DIRAS2: variants seen among roughly 807,000 people sequenced by gnomAD.
DIRAS2 encodes the protein GTP-binding protein Di-Ras2.
DIRAS2 carries 5 observed loss-of-function variants against 13.9 expected under a neutral mutation model. The ratio of observed to expected loss-of-function variants is 0.36; its 90% CI spans 0.19 to 0.76. DIRAS2 has a LOEUF of 0.76. DIRAS2 is among the 30% of genes least tolerant of loss of function. The pLI is 0.53. For synonymous variants in DIRAS2, 111 were observed against 105.4 expected (o/e 1.05, Z -0.33); for missense variants, 191 against 263.0 (o/e 0.73, Z 1.89).
chr9:90,636,315 G>A (rs1825371097), intron 1 of DIRAS2, among the ~76,000 whole-genome samples: 2 of 152,070 alleles, frequency 1.3e-5, no homozygotes, highest in Non-Finnish European at 2.9e-5. Context: ...TGGGATTATA[G>A]GCGTGAGCTA....
chr9:90,614,306 A>G (rs983986489), intron 1 of DIRAS2, among the ~76,000 whole-genome samples: 21 of 134,916 alleles, frequency 1.6e-4, no homozygotes, highest in Admixed American at 3.0e-4. Context: ...GGTCATCATA[A>G]TGTGTGTGTG....
intron 1 of DIRAS2, among the ~76,000 whole-genome samples, chr9:90,618,917 G>A (rs1345282790): frequency 6.6e-6 from 1 of 152,170 alleles, no homozygotes; most frequent in Admixed American, 6.5e-5. Context: ...GCCGAGGCAG[G>A]CAGATCACAA....
intron 1 of DIRAS2, chr9:90,625,834 C>A (rs1825263350): frequency 6.6e-6 from 1 of 152,002 alleles, no homozygotes; most frequent in South Asian, 2.1e-4. Flanking sequence ...ATAAATTAGG[C>A]TTCATCAAAA....
chr9:90,617,821 A>C (rs1825183396), intron 1 of DIRAS2, among the ~76,000 whole-genome samples: 5 of 152,268 alleles, frequency 3.3e-5, no homozygotes, highest in Admixed American at 3.3e-4. Flanking sequence ...AAATAACTCA[A>C]TTTATAATAG....
At chr9:90,639,465 G>T (rs187811409) in intron 1 of DIRAS2, among the ~76,000 whole-genome samples, 1 of 152,138 alleles carries the variant, frequency 6.6e-6, no homozygotes, top group African/African-American at 2.4e-5. Flanking sequence ...TTTATAATGG[G>T]TTTGCTGCTG....
intron 1 of DIRAS2, among the ~76,000 whole-genome samples, chr9:90,621,475 T>C (rs543204326): frequency 6.6e-6 from 1 of 152,186 alleles, no homozygotes; most frequent in African/African-American, 2.4e-5. Flanking sequence ...CCAAGCCAAA[T>C]CACTCAACTC....
At position 90,612,113 on chromosome 9, in the gene DIRAS2, T is replaced by C. The variant is rs777557206; in HGVS notation, c.*1115A>G. Reference sequence around the variant, plus strand: ...ACGTATAATGGAACATGCAAGAGAATTTACTATTATTTAAATGCATTTTCC... The same window carrying C: ...ACGTATAATGGAACATGCAAGAGAACTTACTATTATTTAAATGCATTTTCC... On this transcript the variant is annotated 3_prime_UTR_variant, in exon 2 of 2. Transcript: ENST00000375765. The C allele has an allele frequency of 1.3e-5, 2 of 152,660 alleles. No homozygotes were observed. The highest frequency in any genetic ancestry group is 1.5e-5 in the Non-Finnish European group (1 of 68,038). 9.5% of individuals were successfully genotyped at this position (152,660 alleles called of 1,614,324 possible).
intron 1 of DIRAS2, among the ~76,000 whole-genome samples, chr9:90,619,595 G>A (rs1825201017): frequency 6.6e-6 from 1 of 152,128 alleles, no homozygotes; most frequent in Non-Finnish European, 1.5e-5. Context: ...TGCATTGCTG[G>A]CAAAAAATGT....
intron 1 of DIRAS2, among the ~76,000 whole-genome samples, chr9:90,632,134 C>T (rs1033592869): frequency 5.3e-5 from 8 of 152,192 alleles, no homozygotes; most frequent in African/African-American, 1.9e-4. Context: ...TTGCCTCAGG[C>T]TCTGAGCCAC....
At chr9:90,631,390 TAAG>T (rs1259642482) in intron 1 of DIRAS2, among the ~76,000 whole-genome samples, 3 of 152,324 alleles carry the variant, frequency 2.0e-5, no homozygotes, top group Middle Eastern at 3.4e-3. Flanking sequence ...ACTTTTATTC[TAAG>T]AAGAACAGGA....
In DIRAS2 at chr9:90,610,174, T is replaced by A. The variant is rs1344141583; in HGVS notation, c.*3054A>T. 1 of 348,574 alleles carries A rather than the reference T, an allele frequency of 2.9e-6. No homozygotes were observed. The highest frequency in any genetic ancestry group is 5.1e-6 in the Non-Finnish European group (1 of 197,256). The allele number at this position is 348,574 out of a possible 1,614,324, so 21.6% of individuals were successfully genotyped here. A position where few individuals can be genotyped will look rare whatever the true frequency, so the allele number is the denominator to read the frequency against. On this transcript the variant is annotated 3_prime_UTR_variant, in exon 2 of 2. Coordinates refer to ENST00000375765, the MANE Select transcript of DIRAS2 (RefSeq NM_017594.5). ...ACATTACAAATTTTGGGGAAAAAAA[T>A]TAAGTATCACAGAGCAATTTTTAAA...
At chr9:90,614,719 T>C (rs919019523) in intron 1 of DIRAS2, among the ~76,000 whole-genome samples, 1 of 152,160 alleles carries the variant, frequency 6.6e-6, no homozygotes, top group Non-Finnish European at 1.5e-5. Context: ...TCATCAAAAT[T>C]AAGATGATTA....
At chr9:90,624,840 G>A (rs1042878621) in intron 1 of DIRAS2, among the ~76,000 whole-genome samples, 4 of 151,924 alleles carry the variant, frequency 2.6e-5, no homozygotes, top group African/African-American at 7.2e-5. Context: ...TCAGCCTCCC[G>A]AGTAGCTGGG....
chr9:90,610,443 C>G lies in DIRAS2; in HGVS notation c.*2785G>C, dbSNP rs143181064. The G allele has an allele frequency of 2.6e-3, 1,019 of 398,904 alleles. 1 individual carries two copies. Among genetic ancestry groups the G allele is most frequent in the Non-Finnish European group, 3.0e-3 (682 of 226,046 alleles). The allele number at this position is 398,904 out of a possible 1,614,324, so 24.7% of individuals were successfully genotyped here. A position where few individuals can be genotyped will look rare whatever the true frequency, so the allele number is the denominator to read the frequency against. On this transcript the variant is annotated 3_prime_UTR_variant, in exon 2 of 2. Transcript: ENST00000375765. The stretch of plus-strand genomic sequence containing the variant: ...GGCTTGTCGCTGGATGGAGGAGGGG[C>G]TCATGGGGATAGAAGGGAAGTCATG...
At chr9:90,615,683 G>A (rs1240795808) in intron 1 of DIRAS2, among the ~76,000 whole-genome samples, 2 of 152,176 alleles carry the variant, frequency 1.3e-5, no homozygotes, top group African/African-American at 4.8e-5. Flanking sequence ...AGAGCCTTTT[G>A]TTGCCTCATA....
chr9:90,622,697 G>A (rs1825230988), intron 1 of DIRAS2, among the ~76,000 whole-genome samples: 1 of 152,132 alleles, frequency 6.6e-6, no homozygotes, highest in Admixed American at 6.5e-5. Flanking sequence ...GCTTGTTAAC[G>A]TAAAATCCAA....
intron 1 of DIRAS2, among the ~76,000 whole-genome samples, chr9:90,631,198 T>C (rs1825321687): frequency 6.6e-6 from 1 of 152,098 alleles, no homozygotes; most frequent in South Asian, 2.1e-4. Flanking sequence ...GAAACCTGTG[T>C]GTGGGTGGTG....
At chr9:90,624,161 A>T (rs1185085183) in intron 1 of DIRAS2, among the ~76,000 whole-genome samples, 1 of 152,210 alleles carries the variant, frequency 6.6e-6, no homozygotes, top group East Asian at 1.9e-4. Context: ...TTAATAATAC[A>T]AGGTGAATAA....
chr9:90,613,007 G>T lies in DIRAS2; in HGVS notation c.*221C>A. 1 of 596,008 alleles carries T rather than the reference G, an allele frequency of 1.7e-6. No homozygotes were observed. The highest frequency in any genetic ancestry group is 2.9e-6 in the Non-Finnish European group (1 of 349,320). The allele number at this position is 596,008 out of a possible 1,614,324, so 36.9% of individuals were successfully genotyped here. A position where few individuals can be genotyped will look rare whatever the true frequency, so the allele number is the denominator to read the frequency against. Reference sequence around the variant, plus strand: ...CTCAGTTCCCAGGGATGCTGAGTGTGTTGGTTTTCACTTGAACCGCCTGGC... The same window carrying T: ...CTCAGTTCCCAGGGATGCTGAGTGTTTTGGTTTTCACTTGAACCGCCTGGC... On this transcript the variant is annotated 3_prime_UTR_variant, in exon 2 of 2. Transcript: ENST00000375765. This position sits in a 1 kb window ranked among gnomAD's most constrained non-coding sequence, Gnocchi z 5.6.
Sources: allele counts gnomAD v4.1 joint callset (sites outside exome capture counted in the v4.1 genomes callset), GRCh38; gene constraint gnomAD v4.1.1; non-coding constraint Gnocchi (gnomAD v3.1); transcripts MANE v1.5; gene names NCBI Gene and HGNC (gene_info 2026-07-23, HGNC 2026-07-21).